The following NBAS variants were observed in gnomAD, a reference collection of about 807,000 sequenced individuals.
The protein encoded by NBAS is NBAS subunit of NRZ tethering complex.
In NBAS, 219 loss-of-function variants were observed where a neutral mutation model predicts 302.5. The observed-to-expected ratio is 0.72, with a 90% confidence interval of 0.65 to 0.81. The LOEUF is 0.81. Ranked by LOEUF, NBAS falls within the 30% of genes least tolerant of loss-of-function variation. The pLI, the probability that NBAS is intolerant of heterozygous loss-of-function variation, is 0.00. For synonymous variants in NBAS, 1,118 were observed against 1,021.6 expected, an observed-to-expected ratio of 1.09 and a Z score of -1.80; for missense variants, 2,932 against 2,841.6, an observed-to-expected ratio of 1.03 and a Z score of -0.72.
At chr2:15,170,054 G>A (rs998818770) in intron 51 of NBAS, among the ~76,000 whole-genome samples, 1 of 152,230 alleles carries the variant, frequency 6.6e-6, no homozygotes, top group African/African-American at 2.4e-5. Context: ...TACTTTCTTT[G>A]TTGCCCTGAA....
chr2:14,824,939 G>A, the NBAS span, among the ~76,000 whole-genome samples: 1 of 152,168 alleles, frequency 6.6e-6, no homozygotes, highest in African/African-American at 2.4e-5. Context: ...AAACCTTTCT[G>A]TCCAAGGCAA....
chr2:14,783,991 T>C, the NBAS span, among the ~76,000 whole-genome samples: 3 of 152,214 alleles, frequency 2.0e-5, no homozygotes, highest in East Asian at 3.9e-4. Flanking sequence ...TGTTGTTTCC[T>C]GACTTTTTAA....
At chr2:15,021,421 G>A in the NBAS span, among the ~76,000 whole-genome samples, 3 of 152,152 alleles carry the variant, frequency 2.0e-5, no homozygotes, top group Admixed American at 6.5e-5. Context: ...CCGCCACTGA[G>A]GAGGAGATGC....
the NBAS span, among the ~76,000 whole-genome samples, chr2:14,920,797 G>A: frequency 2.8e-4 from 42 of 152,212 alleles, 1 homozygote; most frequent in Middle Eastern, 6.8e-3. Flanking sequence ...AATTAAATTA[G>A]GACCTTGATC....
At chr2:14,899,333 T>A in the NBAS span, among the ~76,000 whole-genome samples, 1 of 151,746 alleles carries the variant, frequency 6.6e-6, no homozygotes, top group African/African-American at 2.4e-5. Flanking sequence ...TACTAGCCTG[T>A]GTTTTGCACA....
chr2:15,509,801 G>A (rs1662052586), intron 10 of NBAS, among the ~76,000 whole-genome samples: 1 of 152,138 alleles, frequency 6.6e-6, no homozygotes, highest in Admixed American at 6.5e-5. Flanking sequence ...ATATTTGAGT[G>A]CCCACTAGGT....
At chr2:15,067,449 GGAGGGGAGA>G in the NBAS span, among the ~76,000 whole-genome samples, 1 of 90,326 alleles carries the variant, frequency 1.1e-5, no homozygotes, top group Non-Finnish European at 2.3e-5. Flanking sequence ...GGAGGGGAGA[GGAGGGGAGA>G]GGAGGGGAGA....
chr2:15,424,574 G>C, intron 22 of NBAS, 106 bp from the exon 23 acceptor site: 1 of 1,294,472 alleles, frequency 7.7e-7, no homozygotes, highest in Non-Finnish European at 1.1e-6. Flanking sequence ...GTAAGAGACA[G>C]GGAGCATACA....
chr2:15,389,754 A>G (rs1010354379), intron 28 of NBAS, among the ~76,000 whole-genome samples: 1 of 152,222 alleles, frequency 6.6e-6, no homozygotes, highest in Non-Finnish European at 1.5e-5. Flanking sequence ...GATAAAAACA[A>G]GTCTTTTTTG....
At chr2:14,896,477 CCTCCGTGTTATGGGGGGAATGG>C in the NBAS span, among the ~76,000 whole-genome samples, 1 of 152,172 alleles carries the variant, frequency 6.6e-6, no homozygotes, top group Non-Finnish European at 1.5e-5. Context: ...AATCTTCCTT[CCTCCGTGTTATGGGGGGAATGG>C]CTCCATAGCA....
At chr2:15,121,931 TAAGA>T in the NBAS span, among the ~76,000 whole-genome samples, 1 of 152,176 alleles carries the variant, frequency 6.6e-6, no homozygotes, top group African/African-American at 2.4e-5. Context: ...TTTTCTGCAT[TAAGA>T]AACATTACTC....
intron 6 of NBAS, among the ~76,000 whole-genome samples, chr2:15,543,488 A>G (rs1013010682): frequency 2.0e-5 from 3 of 152,198 alleles, no homozygotes; most frequent in African/African-American, 7.2e-5. Flanking sequence ...TGCTGTTGAT[A>G]AGACATATCT....
At chr2:15,066,858 C>A in the NBAS span, among the ~76,000 whole-genome samples, 1 of 152,004 alleles carries the variant, frequency 6.6e-6, no homozygotes, top group Non-Finnish European at 1.5e-5. Context: ...TCTAAGTATA[C>A]CATCAAAGGA....
chr2:15,228,871 T>G lies in NBAS; in HGVS notation c.6236+3551A>C, dbSNP rs576039395. Among the ~76,000 whole-genome samples, 60 of 152,276 alleles carry G rather than the reference T, an allele frequency of 3.9e-4. 1 individual carries two copies. Among genetic ancestry groups the G allele is most frequent in the African/African-American group, 1.4e-3 (59 of 41,540 alleles). On this transcript the variant is annotated intron_variant, in intron 47 of 51. Transcript: ENST00000281513. ...CGGTCAATAGGCACAAAGTTACAGT[T>G]GGGCAGGAAGAATAAGTTTTGGTGT...
chr2:14,813,413 T>C, the NBAS span, among the ~76,000 whole-genome samples: 7 of 152,172 alleles, frequency 4.6e-5, no homozygotes, highest in Admixed American at 3.9e-4. Context: ...GAGGAACTTA[T>C]TGGGAACTGG....
chr2:15,035,790 G>A, the NBAS span, among the ~76,000 whole-genome samples: 3 of 152,292 alleles, frequency 2.0e-5, no homozygotes, highest in Admixed American at 1.3e-4. Context: ...GCTGAACAGT[G>A]AGAACACATG....
chr2:15,211,677 A>T (rs1488340285), intron 48 of NBAS, among the ~76,000 whole-genome samples: 1 of 152,186 alleles, frequency 6.6e-6, no homozygotes, highest in African/African-American at 2.4e-5. Flanking sequence ...CACTGCTGAG[A>T]TCATTACACC....
chr2:15,300,058 G>A (rs1361127326), intron 40 of NBAS, among the ~76,000 whole-genome samples: 2 of 152,162 alleles, frequency 1.3e-5, no homozygotes, highest in African/African-American at 4.8e-5. Flanking sequence ...CAGCTCCATG[G>A]ATCATCTGAG....
chr2:15,545,362 T>C (rs990925582), intron 6 of NBAS, among the ~76,000 whole-genome samples: 5 of 151,724 alleles, frequency 3.3e-5, no homozygotes, highest in African/African-American at 1.2e-4. Context: ...AAAAAAGAAA[T>C]CCATAAAACC....
Sources: allele counts gnomAD v4.1 joint callset (sites outside exome capture counted in the v4.1 genomes callset), GRCh38; gene constraint gnomAD v4.1.1; transcripts MANE v1.5; gene names NCBI Gene and HGNC (gene_info 2026-07-23, HGNC 2026-07-21).